Variants in TOGARAM1 observed in about 807,000 individuals in gnomAD.
TOGARAM1 encodes TOG array regulator of axonemal microtubules protein 1.
Under a neutral mutation model 166.6 loss-of-function variants are expected in TOGARAM1, and 100 were observed. That is an observed-to-expected ratio of 0.60 (90% confidence interval 0.51 to 0.71). The LOEUF (loss-of-function observed/expected upper bound fraction) is 0.71. Among genes scored for constraint, TOGARAM1 ranks in the 30% least tolerant of loss-of-function variants. The pLI is 0.00. For synonymous variants in TOGARAM1, 758 were observed against 763.8 expected (o/e 0.99, Z 0.13); for missense variants, 2,029 against 2,102.7 (o/e 0.96, Z 0.69).
intron 1 of TOGARAM1, among the ~76,000 whole-genome samples, chr14:44,988,200 C>T (rs1024976211): frequency 3.3e-5 from 5 of 151,866 alleles, no homozygotes; most frequent in African/African-American, 4.8e-5. Flanking sequence ...CACATGTATA[C>T]ATATGTAACA....
Position 44,962,977 on chromosome 14 carries a change from G to A in TOGARAM1, c.556G>A (p.Val186Ile), listed in dbSNP as rs1349872150. 6.2e-7 allele frequency: 1 copy of A among 1,614,180 alleles called. No homozygotes were observed. The change falls in exon 1 of 20, where the codon GTC (valine) becomes ATC (isoleucine). Residue 186 changes from valine (V) to isoleucine (I), a missense_variant. Transcript: ENST00000361462. ...CTTAGCACTTTTGCCTCAACTAGTTGTCTCGTTACGGGAAGAGAATCCAGC... is the reference window on the plus strand; with the variant it reads ...CTTAGCACTTTTGCCTCAACTAGTTATCTCGTTACGGGAAGAGAATCCAGC... ...FSLALLPQLVVSLREENPALR... is the reference protein window; with the variant it reads ...FSLALLPQLVISLREENPALR...
At chr14:45,020,560 G>A (rs1880439817) in intron 7 of TOGARAM1, among the ~76,000 whole-genome samples, 1 of 152,160 alleles carries the variant, frequency 6.6e-6, no homozygotes, top group South Asian at 2.1e-4. Context: ...TTTTGTTGCG[G>A]GGCTTAGGTA....
chr14:45,039,415 C>T lies in TOGARAM1; in HGVS notation c.3813-4271C>T, dbSNP rs1018069500. On this transcript the variant is annotated intron_variant, in intron 11 of 19. Coordinates refer to ENST00000361462, the MANE Select transcript of TOGARAM1 (RefSeq NM_001308120.2). The stretch of plus-strand genomic sequence containing the variant: ...TGGCTTGAAGGTACGGCTTCACCTG[C>T]CCCTTTCTGCCCAGGATCCTGTCTG... Among the ~76,000 whole-genome samples, 4 of 152,176 alleles carry T rather than the reference C, an allele frequency of 2.6e-5. No homozygotes were observed. The South Asian group carries it at 8.3e-4, about 31-fold the overall frequency.
At chr14:44,965,262 A>G (rs1039299867) in intron 1 of TOGARAM1, among the ~76,000 whole-genome samples, 2 of 152,218 alleles carry the variant, frequency 1.3e-5, no homozygotes, top group African/African-American at 2.4e-5. Flanking sequence ...ACCTAAGACT[A>G]TCAGTAGTAA....
chr14:45,044,351 C>T (rs1277074567), intron 12 of TOGARAM1, among the ~76,000 whole-genome samples: 1 of 151,940 alleles, frequency 6.6e-6, no homozygotes, highest in Non-Finnish European at 1.5e-5. Flanking sequence ...GACCAGTCGG[C>T]CCAACATGGC....
intron 16 of TOGARAM1, among the ~76,000 whole-genome samples, chr14:45,064,450 T>A (rs1441313023): frequency 6.6e-6 from 1 of 152,060 alleles, no homozygotes; most frequent in Non-Finnish European, 1.5e-5. Context: ...TTAAAGAGCA[T>A]TTTTCTGGGC....
At chr14:44,987,425 C>A (rs1323847410) in intron 1 of TOGARAM1, among the ~76,000 whole-genome samples, 2 of 152,004 alleles carry the variant, frequency 1.3e-5, no homozygotes, top group Non-Finnish European at 2.9e-5. Flanking sequence ...AACAAACAAC[C>A]CCATCAACAA....
At chr14:45,067,670 C>G (rs2139004869) in intron 17 of TOGARAM1, among the ~76,000 whole-genome samples, 1 of 152,086 alleles carries the variant, frequency 6.6e-6, no homozygotes, top group South Asian at 2.1e-4. Flanking sequence ...AACCATATTA[C>G]CATGTCATGG....
chr14:45,047,218 C>T (rs981978836), intron 14 of TOGARAM1, among the ~76,000 whole-genome samples: 2 of 151,530 alleles, frequency 1.3e-5, no homozygotes. Flanking sequence ...GGTGAAACCC[C>T]GTCTCTACTA....
At chr14:44,969,132 T>A (rs541128477) in intron 1 of TOGARAM1, among the ~76,000 whole-genome samples, 1 of 143,560 alleles carries the variant, frequency 7.0e-6, no homozygotes, top group South Asian at 2.2e-4. Flanking sequence ...CTTCCTTCCT[T>A]CCTTCCTTCC....
In TOGARAM1 at chr14:45,005,991, A is replaced by T; in HGVS notation, c.2645-17A>T. On this transcript the variant is annotated splice_polypyrimidine_tract_variant and intron_variant, in intron 4 of 19. Transcript: ENST00000361462. ...AAATTAGAAAAAGAAAAAGTAAAAT[A>T]TCTATTTTTCATGCAGGAGAAAATT... The T allele has an allele frequency of 1.3e-6, 2 of 1,528,742 alleles. No homozygotes were observed. Among genetic ancestry groups the T allele is most frequent in the Non-Finnish European group, 1.8e-6 (2 of 1,137,740 alleles). The allele number at this position is 1,528,742 out of a possible 1,614,324, so 94.7% of individuals were successfully genotyped here.
At chr14:45,030,997 T>C (rs1199683366) in intron 10 of TOGARAM1, among the ~76,000 whole-genome samples, 1 of 152,188 alleles carries the variant, frequency 6.6e-6, no homozygotes, top group Non-Finnish European at 1.5e-5. Context: ...GTCTGGTGTA[T>C]AGTATTTAAT....
At position 45,073,395 on chromosome 14, in the gene TOGARAM1, C is replaced by G; in HGVS notation, c.5156C>G (p.Ser1719Cys). Reference sequence around the variant, plus strand: ...TTAGGAAATATGACAAATAGTGGCTCTCTGCCTGGAGCTGGAGGAAATATA... The same window carrying G: ...TTAGGAAATATGACAAATAGTGGCTGTCTGCCTGGAGCTGGAGGAAATATA... ...HLLGNMTNSG[S>C]LPGAGGNIRT... Residue 1719 changes from serine to cysteine, a missense_variant, in exon 20 of 20, where the codon TCT (serine) becomes TGT (cysteine). By Grantham distance (112) the Ser-to-Cys change is moderately radical. Around this residue, in one of 2 missense-constraint regions of TOGARAM1, gnomAD observed 576 missense variants for 670.5 expected, o/e 0.86. Coordinates refer to ENST00000361462, the MANE Select transcript of TOGARAM1 (RefSeq NM_001308120.2). 1.2e-6 allele frequency: 2 copies of G among 1,614,124 alleles called. No homozygotes were observed.
Position 44,963,056 on chromosome 14 carries a change from G to A in TOGARAM1, c.635G>A (p.Gly212Glu). The A allele has an allele frequency of 1.2e-6, 2 of 1,614,132 alleles. No homozygotes were observed. The highest frequency in any genetic ancestry group is 2.2e-5 in the East Asian group (1 of 44,880). ...CATATATGTCTGAAACGTAGTCCTG[G>A]AGAGGTGCTGAGAACGCTTATACAA... ...ILHICLKRSP[G>E]EVLRTLIQQG... The change falls in exon 1 of 20, where the codon GGA becomes GAA. Residue 212 changes from glycine to glutamate, a missense_variant. Transcript: ENST00000361462.
chr14:45,072,693 A>G (rs926690071), intron 19 of TOGARAM1, among the ~76,000 whole-genome samples: 7 of 152,068 alleles, frequency 4.6e-5, no homozygotes, highest in Non-Finnish European at 1.0e-4. Context: ...TCAAAGTGCT[A>G]GAATTTCAGG....
chr14:45,018,781 T>C (rs1880312630), intron 7 of TOGARAM1, among the ~76,000 whole-genome samples: 1 of 152,264 alleles, frequency 6.6e-6, no homozygotes, highest in South Asian at 2.1e-4. Flanking sequence ...TTACATGTTT[T>C]ATTTCCCATG....
At chr14:44,976,829 C>T (rs1218920818) in intron 1 of TOGARAM1, among the ~76,000 whole-genome samples, 1 of 152,062 alleles carries the variant, frequency 6.6e-6, no homozygotes, top group Non-Finnish European at 1.5e-5. Flanking sequence ...TTCTTTGGTC[C>T]TATATTCTTA....
chr14:45,054,514 A>T lies in TOGARAM1; in HGVS notation c.4524A>T (p.Ser1508=). The T allele has an allele frequency of 6.2e-7, 1 of 1,613,290 alleles. No individual in the cohort carries two copies. The highest frequency in any genetic ancestry group is 8.5e-7 in the Non-Finnish European group (1 of 1,179,504). ...GCAGTGTTGGAAATACAAGATCATC[A>T]TCTGTTTCTAGAGATGCTTTCAATT... The part of the protein sequence containing the change: ...HTGSVGNTRS[S]SVSRDAFNSA... The change falls in exon 16 of 20, where the codon TCA becomes TCT. Residue 1508 remains serine (S), a synonymous_variant. Coordinates refer to ENST00000361462, the MANE Select transcript of TOGARAM1 (RefSeq NM_001308120.2).
rs757469684 is a variant in TOGARAM1 at position 45,004,089 on chromosome 14, G to A, written c.2367G>A (p.Lys789=). The change falls in exon 4 of 20, where the codon AAG becomes AAA. Residue 789 remains lysine (K), a synonymous_variant. Transcript: ENST00000361462. ...KVYASLNFGS[K]TQQTFGSQTE... is the part of the protein sequence containing the mutation. ...ATGCTAGCCTCAATTTTGGCAGTAA[G>A]ACACAGCAAACATTTGGTAGTCAAA... 21 of 1,613,834 alleles carry A rather than the reference G, an allele frequency of 1.3e-5. No homozygotes were observed. In the South Asian group the frequency reaches 2.2e-4, roughly 17 times the overall value.
Sources: allele counts gnomAD v4.1 joint callset (sites outside exome capture counted in the v4.1 genomes callset), GRCh38; gene constraint gnomAD v4.1.1; regional missense constraint gnomAD v4.1.1; transcripts MANE v1.5; gene names NCBI Gene and HGNC (gene_info 2026-07-23, HGNC 2026-07-21).